The following TXNDC17 variants were observed in gnomAD, a reference collection of about 807,000 sequenced individuals.
The protein encoded by TXNDC17 is thioredoxin domain-containing protein 17.
In TXNDC17, 12 loss-of-function variants were observed where a neutral mutation model predicts 16.3. The ratio of observed to expected loss-of-function variants is 0.74; its 90% confidence interval spans 0.47 to 1.19. The LOEUF is 1.19. Ranked by LOEUF, TXNDC17 falls within the 50% of genes most tolerant of loss-of-function variation. The probability of loss-of-function intolerance (pLI) is 0.00; values close to 1 mark genes in which losing one functional copy is unlikely to be tolerated. For synonymous variants in TXNDC17, 62 were observed against 55.0 expected, an observed-to-expected ratio of 1.13 and a Z score of -0.56; for missense variants, 158 against 149.7, an observed-to-expected ratio of 1.06 and a Z score of -0.29.
In TXNDC17 at chr17:6,641,137, G is replaced by A; in HGVS notation, c.55G>A (p.Val19Met). ...CGGCTTCGAGGAGTTCCACCGGGCC[G>A]TGGAACAGCACAATGGCAAGACCAT... The part of the protein sequence containing the change: ...VSGFEEFHRA[V>M]EQHNGKTIFA... Residue 19 changes from valine to methionine, a missense_variant, in exon 1 of 4, where the codon GTG becomes ATG. Val to Met is a conservative substitution (Grantham distance 21). Transcript: ENST00000250101. 1 of 1,613,770 alleles carries A rather than the reference G, an allele frequency of 6.2e-7. No individual in the cohort carries two copies. The highest frequency in any genetic ancestry group is 8.5e-7 in the Non-Finnish European group (1 of 1,180,010).
At chr17:6,642,207 C>T (rs1443637765) in intron 2 of TXNDC17, 42 bp from the exon 3 acceptor site, 2 of 1,394,904 alleles carry the variant, frequency 1.4e-6, no homozygotes, top group Non-Finnish European at 1.0e-6. Context: ...CTGTAATAAA[C>T]CAAGTAAATT....
rs1207988967 is a variant in TXNDC17 at position 6,643,377 on chromosome 17, T to G, written c.*358T>G. The G allele has an allele frequency of 5.6e-6, 1 of 179,568 alleles. No homozygotes were observed. The highest frequency in any genetic ancestry group is 1.2e-5 in the Non-Finnish European group (1 of 85,496). 11.1% of individuals were successfully genotyped at this position (179,568 alleles called of 1,614,324 possible). A position where few individuals can be genotyped will look rare whatever the true frequency, so the allele number is the denominator to read the frequency against. On this transcript the variant is annotated 3_prime_UTR_variant, in exon 4 of 4. Coordinates refer to ENST00000250101, the MANE Select transcript of TXNDC17 (RefSeq NM_032731.4). ...TCTGCAAAGCAACTGATGATATTCC[T>G]GAAACCCCTTCTTTGATTTTGGAAT... is the stretch of plus-strand genomic sequence containing the variant.
At position 6,643,757 on chromosome 17, in the gene TXNDC17, T is replaced by C. The variant is rs564433590; in HGVS notation, c.*738T>C. The C allele has an allele frequency of 2.1e-4, 42 of 202,304 alleles. No individual in the cohort carries two copies. The highest frequency in any genetic ancestry group is 9.2e-4 in the African/African-American group (40 of 43,682). 12.5% of individuals were successfully genotyped at this position (202,304 alleles called of 1,614,324 possible). A position where few individuals can be genotyped will look rare whatever the true frequency, so the allele number is the denominator to read the frequency against. On this transcript the variant is annotated 3_prime_UTR_variant, in exon 4 of 4. Coordinates refer to ENST00000250101, the MANE Select transcript of TXNDC17 (RefSeq NM_032731.4). ...TGAGAATTCAAGGAAGCACTTAACA[T>C]AGCACCTGGTTTGTGGTACCTCCCA...
chr17:6,642,299 T>C lies in TXNDC17; in HGVS notation c.278T>C (p.Val93Ala). The C allele has an allele frequency of 6.2e-7, 1 of 1,610,506 alleles. No homozygotes were observed. Among genetic ancestry groups the C allele is most frequent in the Non-Finnish European group, 8.5e-7 (1 of 1,177,814 alleles). ...AGAAAAAACTTGAAAGTAACAGCAG[T>C]GCCTACACTACTTAAGTATGGAACA... is the stretch of plus-strand genomic sequence containing the variant. ...DFRKNLKVTA[V>A]PTLLKYGTPQ... The change falls in exon 3 of 4, where the codon GTG becomes GCG. Residue 93 changes from valine to alanine, a missense_variant. By Grantham distance (64) the Val-to-Ala change is moderately conservative. Coordinates refer to ENST00000250101, the MANE Select transcript of TXNDC17 (RefSeq NM_032731.4).
Position 6,644,524 on chromosome 17 carries a change from C to G in TXNDC17, c.*1505C>G. The G allele has an allele frequency of 6.2e-7, 1 of 1,611,880 alleles. No individual in the cohort carries two copies. The highest frequency in any genetic ancestry group is 8.5e-7 in the Non-Finnish European group (1 of 1,179,462). ...GCTCTGCCAAGGCTTGCTGAAGGCGCATCCGCTTCCGGGAATAGTGCTGCC... is the reference window on the plus strand; with the variant it reads ...GCTCTGCCAAGGCTTGCTGAAGGCGGATCCGCTTCCGGGAATAGTGCTGCC... On this transcript the variant is annotated 3_prime_UTR_variant, in exon 4 of 4. Coordinates refer to ENST00000250101, the MANE Select transcript of TXNDC17 (RefSeq NM_032731.4).
rs371981160 is a variant in TXNDC17 at position 6,642,308 on chromosome 17, T to C, written c.287T>C (p.Leu96Pro). Residue 96 changes from leucine (L) to proline (P), a missense_variant, in exon 3 of 4, where the codon CTA (leucine) becomes CCA (proline). Leu to Pro is a moderately conservative substitution (Grantham distance 98, BLOSUM62 -3). Coordinates refer to ENST00000250101, the MANE Select transcript of TXNDC17 (RefSeq NM_032731.4). ...KNLKVTAVPTLLKYGTPQKLV... is the reference protein window; with the variant it reads ...KNLKVTAVPTPLKYGTPQKLV... ...TTGAAAGTAACAGCAGTGCCTACAC[T>C]ACTTAAGTATGGAACAGTAAGTATC... 5.6e-6 allele frequency: 9 copies of C among 1,607,284 alleles called. No homozygotes were observed. Among genetic ancestry groups the C allele is most frequent in the Non-Finnish European group, 7.7e-6 (9 of 1,175,274 alleles).
intron 3 of TXNDC17, 120 bp from the exon 4 acceptor site, chr17:6,642,831 A>G: frequency 2.8e-6 from 2 of 717,926 alleles, no homozygotes; most frequent in Non-Finnish European, 4.9e-6. Context: ...TAACTAGATG[A>G]TAGTTTCTGA....
chr17:6,641,907 C>T lies in TXNDC17; in HGVS notation c.227+73C>T, dbSNP rs1972682621. 2 of 1,300,444 alleles carry T rather than the reference C, an allele frequency of 1.5e-6. 1 individual carries two copies. The highest frequency in any genetic ancestry group is 4.8e-5 in the East Asian group (2 of 41,768). 80.6% of individuals were successfully genotyped at this position (1,300,444 alleles called of 1,614,324 possible). On this transcript the variant is annotated intron_variant, in intron 2 of 3. Transcript: ENST00000250101. ...ACTTAGGCGGGAAGGGCCTCAGGGA[C>T]TTACTTACCCAGTTTGTCTTACAAG...
rs531547571 is a variant in TXNDC17, at chr17:6,641,105, G to A, written c.23G>A (p.Ser8Asn). Residue 8 changes from serine to asparagine, a missense_variant, in exon 1 of 4, where the codon AGC becomes AAC. Physicochemically the swap from Ser to Asn is conservative, Grantham distance 46. Coordinates refer to ENST00000250101, the MANE Select transcript of TXNDC17 (RefSeq NM_032731.4). ...CCAATGGCCCGCTATGAGGAGGTGAGCGTGTCCGGCTTCGAGGAGTTCCAC... is the reference window on the plus strand; with the variant it reads ...CCAATGGCCCGCTATGAGGAGGTGAACGTGTCCGGCTTCGAGGAGTTCCAC... MARYEEV[S>N]VSGFEEFHRA... 1 of 1,613,526 alleles carries A rather than the reference G, an allele frequency of 6.2e-7. No individual in the cohort carries two copies. The highest frequency in any genetic ancestry group is 1.7e-5 in the Admixed American group (1 of 60,030).
In TXNDC17 at chr17:6,641,121, G is replaced by A. The variant is rs761865461; in HGVS notation, c.39G>A (p.Glu13=). Residue 13 remains glutamate (E), a synonymous_variant, in exon 1 of 4, where the codon GAG becomes GAA. Transcript: ENST00000250101. ...RYEEVSVSGF[E]EFHRAVEQHN... ...AGGAGGTGAGCGTGTCCGGCTTCGA[G>A]GAGTTCCACCGGGCCGTGGAACAGC... is the stretch of plus-strand genomic sequence containing the variant. The A allele has an allele frequency of 3.1e-6, 5 of 1,613,686 alleles. No individual in the cohort carries two copies. The highest frequency in any genetic ancestry group is 1.7e-4 in the Middle Eastern group (1 of 6,050).
At chr17:6,642,210 A>T (rs755263306) in intron 2 of TXNDC17, 39 bp from the exon 3 acceptor site, 3 of 1,424,156 alleles carry the variant, frequency 2.1e-6, no homozygotes, top group Non-Finnish European at 9.8e-7. Context: ...TAATAAACCA[A>T]GTAAATTTTT....
chr17:6,642,742 G>A (rs1237968363), intron 3 of TXNDC17: 1 of 554,244 alleles, frequency 1.8e-6, no homozygotes, highest in Non-Finnish European at 3.2e-6. Context: ...CCTGGTATTT[G>A]GGGTTTAAGT....
chr17:6,642,763 A>G, intron 3 of TXNDC17, 188 bp from the exon 4 acceptor site: 2 of 580,416 alleles, frequency 3.4e-6, no homozygotes, highest in Non-Finnish European at 6.1e-6. Flanking sequence ...CTCTTGAGCC[A>G]AGTATGTTAG....
intron 2 of TXNDC17, 157 bp downstream of exon 2, chr17:6,641,991 C>A: frequency 4.0e-6 from 3 of 757,182 alleles, no homozygotes; most frequent in Non-Finnish European, 4.4e-6. Flanking sequence ...AAATGCCCAC[C>A]TGAATTAAGT....
In TXNDC17 at chr17:6,641,766, A is replaced by G; in HGVS notation, c.159A>G (p.Val53=). The change falls in exon 2 of 4, where the codon GTA becomes GTG. Residue 53 remains valine (V), a synonymous_variant. Coordinates refer to ENST00000250101, the MANE Select transcript of TXNDC17 (RefSeq NM_032731.4). ...CTTTTTTTAAAGCTGAACCAGTCGT[A>G]CGAGAGGGGCTGAAGCACATTAGTG... ...CPDCVQAEPV[V]REGLKHISEG... 1 of 1,614,136 alleles carries G rather than the reference A, an allele frequency of 6.2e-7. No individual in the cohort carries two copies. The highest frequency in any genetic ancestry group is 8.5e-7 in the Non-Finnish European group (1 of 1,180,028).
At position 6,643,985 on chromosome 17, in the gene TXNDC17, T is replaced by G; in HGVS notation, c.*966T>G. The G allele has an allele frequency of 2.5e-6, 1 of 398,080 alleles. No individual in the cohort carries two copies. Among genetic ancestry groups the G allele is most frequent in the Non-Finnish European group, 4.4e-6 (1 of 226,084 alleles). The allele number at this position is 398,080 out of a possible 1,614,324, so 24.7% of individuals were successfully genotyped here. On this transcript the variant is annotated 3_prime_UTR_variant, in exon 4 of 4. Transcript: ENST00000250101. ...TCCTGTCCTGCAGAATTCAAGAACC[T>G]TTATGCAGTTCCTGTCCTATGATTT...
chr17:6,643,887 G>C lies in TXNDC17; in HGVS notation c.*868G>C. The C allele has an allele frequency of 2.6e-6, 1 of 382,478 alleles. No individual in the cohort carries two copies. The highest frequency in any genetic ancestry group is 4.6e-6 in the Non-Finnish European group (1 of 216,152). The allele number at this position is 382,478 out of a possible 1,614,324, so 23.7% of individuals were successfully genotyped here. Reference sequence around the variant, plus strand: ...AACTAACCACTAGTTGTCCTGCCATGACTAGGTCAAGTGAGGCCACAGTGA... The same window carrying C: ...AACTAACCACTAGTTGTCCTGCCATCACTAGGTCAAGTGAGGCCACAGTGA... On this transcript the variant is annotated 3_prime_UTR_variant, in exon 4 of 4. Transcript: ENST00000250101.
At chr17:6,642,377 A>G in intron 3 of TXNDC17, 53 bp downstream of exon 3, 2 of 1,237,320 alleles carry the variant, frequency 1.6e-6, no homozygotes, top group Non-Finnish European at 2.3e-6. Context: ...AACTCTTTTA[A>G]CTTGCTGTGG....
In TXNDC17 at chr17:6,644,364, C is replaced by T. The variant is rs1410080923; in HGVS notation, c.*1345C>T. 2 of 1,365,578 alleles carry T rather than the reference C, an allele frequency of 1.5e-6. No individual in the cohort carries two copies. The highest frequency in any genetic ancestry group is 1.9e-6 in the Non-Finnish European group (2 of 1,028,990). 84.6% of individuals were successfully genotyped at this position (1,365,578 alleles called of 1,614,324 possible). On this transcript the variant is annotated 3_prime_UTR_variant, in exon 4 of 4. Transcript: ENST00000250101. Reference sequence around the variant, plus strand: ...GCACACTAAAGGTTCTAGGGGCTACCATAATAAAGGTAGATAGGAAGAGTT... The same window carrying T: ...GCACACTAAAGGTTCTAGGGGCTACTATAATAAAGGTAGATAGGAAGAGTT...
Sources: allele counts gnomAD v4.1 joint callset, GRCh38; gene constraint gnomAD v4.1.1; transcripts MANE v1.5; gene names NCBI Gene and HGNC (gene_info 2026-07-23, HGNC 2026-07-21).